The following CERKL variants were observed in gnomAD, a reference collection of about 807,000 sequenced individuals.
CERKL encodes ceramide kinase-like protein.
CERKL carries 61 observed loss-of-function variants against 63.4 expected under a neutral mutation model. The observed-to-expected ratio is 0.96, with a 90% CI of 0.78 to 1.19. The LOEUF is 1.19. CERKL is among the 50% of genes most tolerant of loss of function. The pLI, the probability that CERKL is intolerant of heterozygous loss-of-function variation, is 0.00. For missense variants in CERKL, 675 were observed against 655.5 expected, an observed-to-expected ratio of 1.03 and a Z score of -0.33; for synonymous variants, 250 against 230.5, an observed-to-expected ratio of 1.08 and a Z score of -0.77.
intron 1 of CERKL, among the ~76,000 whole-genome samples, chr2:181,651,280 T>G (rs1687926899): frequency 6.6e-6 from 1 of 152,152 alleles, no homozygotes; most frequent in Admixed American, 6.5e-5. Flanking sequence ...CTCAAGATAT[T>G]AGCAAACCAA....
chr2:181,628,973 G>T (rs183822019), intron 1 of CERKL, among the ~76,000 whole-genome samples: 108 of 152,250 alleles, frequency 7.1e-4, no homozygotes, highest in Admixed American at 3.7e-3. Context: ...TAGAGAGAAT[G>T]ACTAGAGTAG....
At chr2:181,592,630 G>T (rs963003054) in intron 2 of CERKL, among the ~76,000 whole-genome samples, 2 of 152,156 alleles carry the variant, frequency 1.3e-5, no homozygotes, top group Non-Finnish European at 2.9e-5. Context: ...AACATTACAG[G>T]CTATGGAGTA....
At chr2:181,645,912 G>A (rs1559122522) in intron 1 of CERKL, among the ~76,000 whole-genome samples, 1 of 152,150 alleles carries the variant, frequency 6.6e-6, no homozygotes, top group Non-Finnish European at 1.5e-5. Context: ...AAAGGACAGA[G>A]ATCAGAAATT....
chr2:181,568,818 G>A (rs578038645), intron 3 of CERKL, among the ~76,000 whole-genome samples: 12 of 151,412 alleles, frequency 7.9e-5, no homozygotes, highest in East Asian at 3.9e-4. Context: ...TATATCTCCC[G>A]ATGCTATCCC....
chr2:181,552,998 A>G (rs190481638), intron 5 of CERKL, among the ~76,000 whole-genome samples: 164 of 152,288 alleles, frequency 1.1e-3, no homozygotes, highest in African/African-American at 3.0e-3. Context: ...TCTGGAATGC[A>G]TGGTCCAAGC....
chr2:181,544,917 A>C (rs1250921165), intron 10 of CERKL, 121 bp from the exon 11 acceptor site: 2 of 576,890 alleles, frequency 3.5e-6, no homozygotes, highest in Non-Finnish European at 6.1e-6. Context: ...CAAGATAGAT[A>C]AATCACCATG....
At chr2:181,567,520 G>A (rs913603430) in intron 3 of CERKL, among the ~76,000 whole-genome samples, 2 of 151,450 alleles carry the variant, frequency 1.3e-5, no homozygotes, top group African/African-American at 4.9e-5. Flanking sequence ...GGTGGAATTT[G>A]ATTATACACT....
chr2:181,629,872 C>T (rs1686875750), intron 1 of CERKL, among the ~76,000 whole-genome samples: 1 of 151,030 alleles, frequency 6.6e-6, no homozygotes, highest in Non-Finnish European at 1.5e-5. Flanking sequence ...CTTTCCAAGC[C>T]ATTTTAATAT....
At chr2:181,538,411 A>G (rs1026519120) in intron 12 of CERKL, among the ~76,000 whole-genome samples, 167 bp from the exon 13 acceptor site, 9 of 152,166 alleles carry the variant, frequency 5.9e-5, no homozygotes. Flanking sequence ...TAAATCATCA[A>G]CAACAATAAT....
rs1003150210 is a variant in CERKL at position 181,638,730 on chromosome 2, C to T, written c.238+18039G>A. Among the ~76,000 whole-genome samples the T allele has an allele frequency of 1.3e-5, 2 of 152,200 alleles. 1 individual carries two copies. The highest frequency in any genetic ancestry group is 4.1e-4 in the South Asian group (2 of 4,832). On this transcript the variant is annotated intron_variant, in intron 1 of 12. Coordinates refer to ENST00000410087, the MANE Select transcript of CERKL (RefSeq NM_201548.5). ...GGTCCTACATTTCCAAGGCAGCCCA[C>T]AGCCTGTGACAGCACAGCTGAAGTT...
rs1422436105 is a variant in CERKL, at chr2:181,556,970, T to C, written c.820+1596A>G. 5.3e-5 allele frequency among the ~76,000 whole-genome samples: 8 copies of C among 152,232 alleles called. No individual in the cohort carries two copies. The East Asian group carries it at 1.5e-3, about 29-fold the overall frequency. ...GTGAGATGATATCTCATTGTGGTTT[T>C]GATTTGCATTTCTCTGATGGCCAGT... On this transcript the variant is annotated intron_variant, in intron 5 of 12. Coordinates refer to ENST00000410087, the MANE Select transcript of CERKL (RefSeq NM_201548.5).
At chr2:181,544,084 A>G (rs1276214343) in intron 11 of CERKL, among the ~76,000 whole-genome samples, 2 of 152,132 alleles carry the variant, frequency 1.3e-5, no homozygotes, top group East Asian at 1.9e-4. Context: ...AGAAATTCAC[A>G]TAGTTCAAGG....
At chr2:181,542,130 G>A (rs985367350) in intron 11 of CERKL, among the ~76,000 whole-genome samples, 2 of 152,136 alleles carry the variant, frequency 1.3e-5, no homozygotes, top group Non-Finnish European at 2.9e-5. Flanking sequence ...TACCAAAAAT[G>A]GTCACAATGA....
At chr2:181,555,167 T>C (rs1020826462) in intron 5 of CERKL, among the ~76,000 whole-genome samples, 1 of 152,224 alleles carries the variant, frequency 6.6e-6, no homozygotes, top group African/African-American at 2.4e-5. Flanking sequence ...ACCAAATTTA[T>C]GTCAAAGGCA....
At chr2:181,647,193 G>A (rs757553934) in intron 1 of CERKL, among the ~76,000 whole-genome samples, 6 of 152,234 alleles carry the variant, frequency 3.9e-5, no homozygotes, top group Non-Finnish European at 7.3e-5. Flanking sequence ...GGAAGCGAAT[G>A]AAGGCTGAAG....
intron 4 of CERKL, chr2:181,565,649 A>G (rs968161584): frequency 4.9e-5 from 36 of 736,066 alleles, no homozygotes; most frequent in Non-Finnish European, 7.0e-5. Context: ...CAAGTTAACC[A>G]ATGGGTAGCT....
chr2:181,539,290 A>G (rs539856968), intron 11 of CERKL, 26 bp from the exon 12 acceptor site: 60 of 1,463,500 alleles, frequency 4.1e-5, no homozygotes, highest in Non-Finnish European at 5.6e-5. Flanking sequence ...AATAATCATT[A>G]TACTTGGTTT....
rs1685564242 is a variant in CERKL, at chr2:181,603,932, T to C, written c.386A>G (p.Glu129Gly). 1 of 1,613,336 alleles carries C rather than the reference T, an allele frequency of 6.2e-7. No homozygotes were observed. ...GITLFICLKK[E>G]QNKLKNSTLD... ...TGTAGAATTCTTTAGTTTATTTTGT[T>C]CCTTTTTCAAGCAGATGAAGAGTGT... Residue 129 changes from glutamate to glycine, a missense_variant, in exon 2 of 13, where the codon GAA becomes GGA. Physicochemically the swap from Glu to Gly is moderately conservative, Grantham distance 98 (BLOSUM62 -2). Transcript: ENST00000410087.
At position 181,573,901 on chromosome 2, in the gene CERKL, A is replaced by G; in HGVS notation, c.482-17T>C. 1 of 1,611,222 alleles carries G rather than the reference A, an allele frequency of 6.2e-7. No homozygotes were observed. Among genetic ancestry groups the G allele is most frequent in the South Asian group, 1.1e-5 (1 of 90,520 alleles). ...TTGGAAAGCCTAAGAAGAAATTTTAAAGACAAAGTTGTAAAGTCCTTGTCA... is the reference window on the plus strand; with the variant it reads ...TTGGAAAGCCTAAGAAGAAATTTTAGAGACAAAGTTGTAAAGTCCTTGTCA... On this transcript the variant is annotated splice_polypyrimidine_tract_variant and intron_variant, in intron 2 of 12. Coordinates refer to ENST00000410087, the MANE Select transcript of CERKL (RefSeq NM_201548.5).
Sources: gnomAD v4.1 joint callset for allele counts (sites outside exome capture counted in the v4.1 genomes callset) on GRCh38, gnomAD v4.1.1 for gene constraint, MANE v1.5 for transcripts, NCBI Gene and HGNC (gene_info 2026-07-23, HGNC 2026-07-21) for gene names.